Variants in WWOX observed in about 807,000 individuals in gnomAD.
WWOX encodes WW domain containing oxidoreductase.
Under a neutral mutation model 46.2 loss-of-function variants are expected in WWOX, and 69 were observed. The ratio of observed to expected loss-of-function variants is 1.49; its 90% CI spans 1.23 to 1.82. WWOX has a LOEUF of 1.82. Among genes scored for constraint, WWOX ranks in the 40% most tolerant of loss-of-function variants. The pLI is 0.00. For missense variants in WWOX, 919 were observed against 542.6 expected (o/e 1.69, Z -6.89); for synonymous variants, 359 against 202.6 (o/e 1.77, Z -6.56).
At chr16:79,169,569 G>A (rs2050660768) in intron 8 of WWOX, among the ~76,000 whole-genome samples, 1 of 152,184 alleles carries the variant, frequency 6.6e-6, no homozygotes, top group South Asian at 2.1e-4. Context: ...CAGAATCAAG[G>A]ATGGGGAAGA....
At chr16:78,728,061 T>TCC (rs1427607957) in intron 8 of WWOX, among the ~76,000 whole-genome samples, 12 of 135,416 alleles carry the variant, frequency 8.9e-5, no homozygotes, top group East Asian at 2.1e-4. Flanking sequence ...CTTCCTTTTT[T>TCC]TTTTTTTTTT....
chr16:79,128,107 A>G (rs1015934889), intron 8 of WWOX, among the ~76,000 whole-genome samples: 2 of 152,138 alleles, frequency 1.3e-5, no homozygotes, highest in Admixed American at 6.6e-5. Context: ...CACTGATGTT[A>G]TTATCCAGTA....
intron 8 of WWOX, among the ~76,000 whole-genome samples, chr16:79,092,421 C>G (rs1442243938): frequency 6.6e-6 from 1 of 152,132 alleles, no homozygotes; most frequent in East Asian, 1.9e-4. Context: ...TTAGTTGTTC[C>G]AACATGATTG....
chr16:78,388,545 G>A (rs955839617), intron 6 of WWOX, among the ~76,000 whole-genome samples: 1 of 148,270 alleles, frequency 6.7e-6, no homozygotes, highest in African/African-American at 2.5e-5. Context: ...TACTTGGGAG[G>A]CTGAGGCAGG....
intron 8 of WWOX, among the ~76,000 whole-genome samples, chr16:78,495,350 A>C (rs928225425): frequency 1.3e-5 from 2 of 151,926 alleles, no homozygotes; most frequent in African/African-American, 4.8e-5. Flanking sequence ...CATGTTAGCC[A>C]GGCTGGTCTC....
intron 5 of WWOX, among the ~76,000 whole-genome samples, chr16:78,324,010 T>C (rs2080551741): frequency 1.3e-5 from 2 of 152,168 alleles, no homozygotes; most frequent in African/African-American, 4.8e-5. Flanking sequence ...CACTTTCCCC[T>C]ATGAGATTAT....
chr16:78,785,266 G>T (rs929846832), intron 8 of WWOX, among the ~76,000 whole-genome samples: 3 of 152,194 alleles, frequency 2.0e-5, no homozygotes, highest in Non-Finnish European at 4.4e-5. Flanking sequence ...CCTTCGATGG[G>T]CAGGTGCAAC....
At chr16:79,167,728 C>T (rs2050622720) in intron 8 of WWOX, among the ~76,000 whole-genome samples, 2 of 152,200 alleles carry the variant, frequency 1.3e-5, no homozygotes, top group African/African-American at 2.4e-5. Flanking sequence ...CGTTTCCCTG[C>T]AAACATTGTT....
intron 8 of WWOX, among the ~76,000 whole-genome samples, chr16:79,103,867 C>T (rs986605306): frequency 1.3e-5 from 2 of 152,118 alleles, no homozygotes; most frequent in African/African-American, 4.8e-5. Context: ...CCTGTAGATA[C>T]ACTCTGTAGG....
rs147636314 is a variant in WWOX at position 79,080,464 on chromosome 16, C to A, written c.1057-131144C>A. On this transcript the variant is annotated intron_variant, in intron 8 of 8. Transcript: ENST00000566780. ...AATTCCTGGGAGATAGAATTCAATT[C>A]TTCTCTTGCCACAAATCAGCTGTTT... Among the ~76,000 whole-genome samples, 796 of 152,204 alleles carry A rather than the reference C, an allele frequency of 5.2e-3. 6 individuals carry two copies. Among genetic ancestry groups the A allele is most frequent in the Non-Finnish European group, 7.0e-3 (473 of 67,998 alleles).
At chr16:78,449,043 A>G (rs554353233) in intron 8 of WWOX, among the ~76,000 whole-genome samples, 2 of 152,288 alleles carry the variant, frequency 1.3e-5, no homozygotes, top group South Asian at 2.1e-4. Context: ...AAATTCACCT[A>G]TGTCAAGTAG....
chr16:78,908,623 C>G (rs1330789421), intron 8 of WWOX, among the ~76,000 whole-genome samples: 5 of 151,842 alleles, frequency 3.3e-5, no homozygotes, highest in African/African-American at 4.8e-5. Flanking sequence ...AAGTCTCCCC[C>G]AAAACTCAGG....
intron 8 of WWOX, among the ~76,000 whole-genome samples, chr16:78,477,304 C>G (rs1007939211): frequency 2.0e-5 from 3 of 152,214 alleles, no homozygotes; most frequent in East Asian, 1.9e-4. Context: ...TAAGCAGTAA[C>G]CGCATATAAA....
chr16:79,175,818 C>T (rs1375121804), intron 8 of WWOX, among the ~76,000 whole-genome samples: 1 of 152,112 alleles, frequency 6.6e-6, no homozygotes, highest in East Asian at 1.9e-4. Context: ...CTTTTTGTCT[C>T]ACTCCTTCCT....
intron 8 of WWOX, among the ~76,000 whole-genome samples, chr16:78,998,597 A>G (rs189835806): frequency 6.2e-4 from 95 of 152,336 alleles, no homozygotes; most frequent in African/African-American, 2.1e-3. Context: ...TTAAGACTCA[A>G]TTTCTTAGTA....
intron 6 of WWOX, among the ~76,000 whole-genome samples, chr16:78,389,621 G>C (rs1389369692): frequency 1.3e-5 from 2 of 152,194 alleles, no homozygotes; most frequent in Non-Finnish European, 1.5e-5. Flanking sequence ...CTACTATACA[G>C]ATAAGGAAAG....
chr16:78,324,384 G>A (rs567854940), intron 5 of WWOX, among the ~76,000 whole-genome samples: 4 of 152,030 alleles, frequency 2.6e-5, no homozygotes, highest in African/African-American at 9.7e-5. Flanking sequence ...AACAGTCGGC[G>A]GTTCCTCCAA....
chr16:79,202,585 T>G (rs1388439997), intron 8 of WWOX: 2 of 152,220 alleles, frequency 1.3e-5, no homozygotes, highest in African/African-American at 4.8e-5. Flanking sequence ...GGCACTCGAT[T>G]CCGGCAAGAG....
chr16:78,993,808 G>A (rs1050253723), intron 8 of WWOX, among the ~76,000 whole-genome samples: 4 of 152,198 alleles, frequency 2.6e-5, no homozygotes, highest in Non-Finnish European at 5.9e-5. Flanking sequence ...AGCTTGGATG[G>A]CATCGGAACC....
Sources: allele counts gnomAD v4.1 joint callset (sites outside exome capture counted in the v4.1 genomes callset), GRCh38; gene constraint gnomAD v4.1.1; transcripts MANE v1.5; gene names NCBI Gene and HGNC (gene_info 2026-07-23, HGNC 2026-07-21).